The following UST variants were observed in gnomAD, a reference collection of about 807,000 sequenced individuals.
UST encodes the protein chondroitin sulfate 2-O-sulfotransferase.
UST carries 21 observed loss-of-function variants against 45.6 expected under a neutral mutation model. That is an observed-to-expected ratio of 0.46 (90% CI 0.33 to 0.66). The LOEUF is 0.66. Ranked by LOEUF, UST falls within the 30% of genes least tolerant of loss-of-function variation. The pLI is 0.02. For missense variants in UST, 463 were observed against 512.4 expected, an observed-to-expected ratio of 0.90 and a Z score of 0.93; for synonymous variants, 215 against 200.6, an observed-to-expected ratio of 1.07 and a Z score of -0.61.
chr6:148,846,454 G>T (rs976007278), intron 1 of UST, among the ~76,000 whole-genome samples: 17 of 151,974 alleles, frequency 1.1e-4, no homozygotes, highest in African/African-American at 3.9e-4. Context: ...TTGTGGGTTG[G>T]GGGGAGGGGG....
intron 1 of UST, among the ~76,000 whole-genome samples, chr6:148,875,154 C>T (rs530994920): frequency 2.6e-5 from 4 of 152,336 alleles, no homozygotes; most frequent in Non-Finnish European, 5.9e-5. Flanking sequence ...ACGGCAGCTT[C>T]TTTGACATTG....
chr6:148,920,063 G>A (rs1273751897), intron 2 of UST, among the ~76,000 whole-genome samples: 1 of 151,540 alleles, frequency 6.6e-6, no homozygotes, highest in African/African-American at 2.5e-5. Flanking sequence ...AGAGTAGAAG[G>A]CAGGTACACA....
At chr6:148,979,536 A>G (rs1183828372) in intron 5 of UST, among the ~76,000 whole-genome samples, 1 of 152,210 alleles carries the variant, frequency 6.6e-6, no homozygotes, top group Non-Finnish European at 1.5e-5. Flanking sequence ...CACACTTGAC[A>G]TTGGAAAAGG....
chr6:148,960,643 C>T (rs150426055), intron 4 of UST, among the ~76,000 whole-genome samples: 1,906 of 152,288 alleles, frequency 0.013, 42 homozygotes, highest in African/African-American at 0.042. Context: ...ATAATGATGA[C>T]TTCACAACAA....
At chr6:149,049,362 G>A (rs1435776508) in intron 7 of UST, among the ~76,000 whole-genome samples, 5 of 152,176 alleles carry the variant, frequency 3.3e-5, no homozygotes, top group Middle Eastern at 3.4e-3. Flanking sequence ...AAGGAGAAAA[G>A]AATAGTAAAT....
At chr6:148,978,163 A>T (rs1463341496) in intron 5 of UST, among the ~76,000 whole-genome samples, 4 of 152,186 alleles carry the variant, frequency 2.6e-5, no homozygotes, top group African/African-American at 9.7e-5. Context: ...AGATAAAATT[A>T]TATCCCCAGG....
chr6:148,908,817 A>G (rs1779418473), intron 2 of UST, among the ~76,000 whole-genome samples: 1 of 152,346 alleles, frequency 6.6e-6, no homozygotes, highest in Middle Eastern at 3.4e-3. Flanking sequence ...TTCAAAAAGA[A>G]CAAAATATTT....
intron 5 of UST, among the ~76,000 whole-genome samples, chr6:148,988,919 C>T (rs2114989750): frequency 6.6e-6 from 1 of 152,312 alleles, no homozygotes; most frequent in Non-Finnish European, 1.5e-5. Flanking sequence ...CTGTCACTCT[C>T]TCCCACCCTT....
chr6:148,808,484 G>A (rs971605525), intron 1 of UST, among the ~76,000 whole-genome samples: 1 of 152,076 alleles, frequency 6.6e-6, no homozygotes, highest in African/African-American at 2.4e-5. Flanking sequence ...CTGGGATGGG[G>A]ATAGGTGGGT....
chr6:148,998,642 TG>T (rs1781493811), intron 5 of UST, among the ~76,000 whole-genome samples: 1 of 152,202 alleles, frequency 6.6e-6, no homozygotes, highest in Admixed American at 6.5e-5. Flanking sequence ...CCATTTTCTG[TG>T]TGGCTAAGTA....
intron 1 of UST, among the ~76,000 whole-genome samples, chr6:148,774,301 GAATA>G (rs1401240249): frequency 2.0e-5 from 3 of 149,072 alleles, no homozygotes; most frequent in African/African-American, 7.4e-5. Context: ...AAAATATAAT[GAATA>G]AATAGGAATA....
intron 1 of UST, among the ~76,000 whole-genome samples, chr6:148,843,554 T>C (rs1416252337): frequency 1.3e-5 from 2 of 152,164 alleles, no homozygotes; most frequent in Non-Finnish European, 2.9e-5. Flanking sequence ...GTTGTCTCAT[T>C]TAATCATGAA....
intron 1 of UST, among the ~76,000 whole-genome samples, chr6:148,861,977 A>G (rs1778325490): frequency 6.6e-6 from 1 of 152,110 alleles, no homozygotes; most frequent in South Asian, 2.1e-4. Context: ...TATTCTGTTG[A>G]TTTGGGGTGG....
chr6:148,815,047 T>A (rs1056269861), intron 1 of UST, among the ~76,000 whole-genome samples: 5 of 152,132 alleles, frequency 3.3e-5, no homozygotes, highest in Admixed American at 3.3e-4. Flanking sequence ...AGACACTTAT[T>A]AAAAAAACCG....
At chr6:148,905,509 T>A (rs1779339061) in intron 2 of UST, among the ~76,000 whole-genome samples, 1 of 152,232 alleles carries the variant, frequency 6.6e-6, no homozygotes, top group South Asian at 2.1e-4. Flanking sequence ...TGCCTTTCCC[T>A]GGGGTGAGAC....
At chr6:148,840,814 A>G (rs1383590099) in intron 1 of UST, among the ~76,000 whole-genome samples, 1 of 152,086 alleles carries the variant, frequency 6.6e-6, no homozygotes, top group East Asian at 1.9e-4. Context: ...CCCCTCACCT[A>G]CTGAGTCCTT....
intron 1 of UST, among the ~76,000 whole-genome samples, chr6:148,814,394 G>A (rs1212433832): frequency 2.0e-5 from 3 of 152,158 alleles, no homozygotes; most frequent in Admixed American, 6.5e-5. Context: ...AAACACACCA[G>A]TTATGCCTTC....
intron 5 of UST, among the ~76,000 whole-genome samples, chr6:149,016,924 A>C (rs1775905890): frequency 6.6e-6 from 1 of 152,160 alleles, no homozygotes. Context: ...CTCGGACTAA[A>C]GGCTCAGGTT....
At chr6:149,069,784 T>A (rs1011221388) in intron 7 of UST, among the ~76,000 whole-genome samples, 3 of 152,360 alleles carry the variant, frequency 2.0e-5, no homozygotes, top group Non-Finnish European at 4.4e-5. Flanking sequence ...TTTTCTGGCC[T>A]GAAATTAATA....
Sources: allele counts gnomAD v4.1 joint callset (sites outside exome capture counted in the v4.1 genomes callset), GRCh38; gene constraint gnomAD v4.1.1; transcripts MANE v1.5; gene names NCBI Gene and HGNC (gene_info 2026-07-23, HGNC 2026-07-21).